The following NCAPD2 variants were observed in gnomAD, a reference collection of about 807,000 sequenced individuals.
NCAPD2 encodes the protein condensin complex subunit 1.
In NCAPD2, 100 loss-of-function variants were observed where a neutral mutation model predicts 164.5. That is an observed-to-expected ratio of 0.61 (90% confidence interval 0.52 to 0.72). The LOEUF is 0.72. NCAPD2 is among the 30% of genes least tolerant of loss of function. NCAPD2 has a pLI of 0.00. For synonymous variants in NCAPD2, 585 were observed against 642.6 expected (o/e 0.91, Z 1.36); for missense variants, 1,560 against 1,749.2 (o/e 0.89, Z 1.93).
chr12:6,509,089 T>A (rs1001968398), intron 2 of NCAPD2, among the ~76,000 whole-genome samples: 15 of 150,944 alleles, frequency 9.9e-5, no homozygotes, highest in African/African-American at 1.2e-4. Flanking sequence ...TTTTTTTTTT[T>A]AAAAGATCCT....
rs1309094201 is a variant in NCAPD2, at chr12:6,528,807, C to T, written c.3428C>T (p.Pro1143Leu). The T allele has an allele frequency of 6.2e-7, 1 of 1,614,108 alleles. No individual in the cohort carries two copies. Among genetic ancestry groups the T allele is most frequent in the South Asian group, 1.1e-5 (1 of 91,078 alleles). The change falls in exon 26 of 32, where the codon CCT (proline) becomes CTT (leucine). Residue 1143 changes from proline to leucine, a missense_variant. Transcript: ENST00000315579. The surrounding 1 kb of genome is among the most constrained non-coding windows in gnomAD (Gnocchi z 5.1). Reference sequence around the variant, plus strand: ...GCGGTGCTGCTCATCGACCCCGAGCCTCAGATTGCTGCCCTGGCCAAGAAC... The same window carrying T: ...GCGGTGCTGCTCATCGACCCCGAGCTTCAGATTGCTGCCCTGGCCAAGAAC... ...EMAVLLIDPE[P>L]QIAALAKNFF...
chr12:6,525,210 T>C (rs1946304877), intron 17 of NCAPD2, among the ~76,000 whole-genome samples: 2 of 152,154 alleles, frequency 1.3e-5, no homozygotes, highest in South Asian at 4.2e-4. Flanking sequence ...ACTGATAGAG[T>C]GTTGATACCA....
intron 14 of NCAPD2, 35 bp from the exon 15 acceptor site, chr12:6,521,763 G>A: frequency 1.2e-6 from 2 of 1,607,266 alleles, no homozygotes; most frequent in Non-Finnish European, 1.7e-6. Flanking sequence ...GTATCCCCTT[G>A]AACGAAACCA....
intron 29 of NCAPD2, among the ~76,000 whole-genome samples, 172 bp from the exon 30 acceptor site, chr12:6,530,519 A>T (rs1332435473): frequency 6.6e-6 from 1 of 152,220 alleles, no homozygotes; most frequent in Non-Finnish European, 1.5e-5. Context: ...TACTGTTGCC[A>T]TCACTTTGTC....
At chr12:6,504,228 T>TAG (rs1159424979) in intron 2 of NCAPD2, among the ~76,000 whole-genome samples, 14 of 55,874 alleles carry the variant, frequency 2.5e-4, no homozygotes, top group Non-Finnish European at 3.8e-4. Flanking sequence ...GATATAGATA[T>TAG]ATATATATAT....
At position 6,531,294 on chromosome 12, in the gene NCAPD2, A is replaced by C; in HGVS notation, c.4121-33A>C. 3 of 1,596,682 alleles carry C rather than the reference A, an allele frequency of 1.9e-6. No individual in the cohort carries two copies. The highest frequency in any genetic ancestry group is 2.6e-6 in the Non-Finnish European group (3 of 1,167,164). Reference sequence around the variant, plus strand: ...TATTTTTTCACCATCTTTGTGACTCAGCTTTTTCTTATTCCTTTAATTCTT... The same window carrying C: ...TATTTTTTCACCATCTTTGTGACTCCGCTTTTTCTTATTCCTTTAATTCTT... On this transcript the variant is annotated intron_variant, in intron 31 of 31. Transcript: ENST00000315579. This position sits in a 1 kb window ranked among gnomAD's most constrained non-coding sequence, Gnocchi z 4.1.
Position 6,530,950 on chromosome 12 carries a change from G to A in NCAPD2, c.3994G>A (p.Ala1332Thr). The change falls in exon 31 of 32, where the codon GCC becomes ACC. Residue 1332 changes from alanine (A) to threonine (T), a missense_variant. Coordinates refer to ENST00000315579, the MANE Select transcript of NCAPD2 (RefSeq NM_014865.4). ...GSRYQPLAST[A>T]SDNDFVTPEP... ...TAGGTACCAGCCTCTGGCTTCTACAGCCTCAGACAATGACTTTGTCACACC... is the reference window on the plus strand; with the variant it reads ...TAGGTACCAGCCTCTGGCTTCTACAACCTCAGACAATGACTTTGTCACACC... The A allele has an allele frequency of 6.2e-7, 1 of 1,614,156 alleles. No homozygotes were observed.
chr12:6,511,352 G>A (rs1041680117), intron 6 of NCAPD2, 100 bp downstream of exon 6: 17 of 1,380,926 alleles, frequency 1.2e-5, no homozygotes, highest in African/African-American at 2.9e-5. Context: ...TTTGTGGGGG[G>A]ACAGAGCTTC....
At chr12:6,507,539 C>T (rs544991548) in intron 2 of NCAPD2, among the ~76,000 whole-genome samples, 9 of 152,328 alleles carry the variant, frequency 5.9e-5, no homozygotes, top group African/African-American at 2.2e-4. Flanking sequence ...TACCCTTTTC[C>T]CATTTGCCGG....
intron 2 of NCAPD2, 98 bp from the exon 3 acceptor site, chr12:6,509,619 A>T: frequency 8.2e-6 from 9 of 1,095,268 alleles, no homozygotes; most frequent in Admixed American, 3.7e-5. Context: ...TTGTGATTCT[A>T]CCAATAAAAG....
intron 2 of NCAPD2, among the ~76,000 whole-genome samples, chr12:6,496,215 C>G (rs2137033614): frequency 1.3e-5 from 2 of 151,770 alleles, no homozygotes; most frequent in Admixed American, 1.3e-4. Flanking sequence ...CACGCCACTA[C>G]CACCTGGCTA....
At chr12:6,514,432 C>G (rs1182993192) in intron 7 of NCAPD2, 32 bp from the exon 8 acceptor site, 1 of 1,614,148 alleles carries the variant, frequency 6.2e-7, no homozygotes, top group Non-Finnish European at 8.5e-7. Flanking sequence ...TTTTGTATTG[C>G]CCATAATTTC....
In NCAPD2 at chr12:6,513,715, C is replaced by CTTTTTTTTTTTTTTTTTTTTTTTTTTTTT. The variant is rs71067124; in HGVS notation, c.588-532_588-531insTTTTTTTTTTTTTTTTTTTTTTTTTTTTT. On this transcript the variant is annotated intron_variant, in intron 6 of 31. Transcript: ENST00000315579. The stretch of plus-strand genomic sequence containing the variant: ...AATGAGAAGTCATTGGTGACTTTGT[C>CTTTTTTTTTTTTTTTTTTTTTTTTTTTTT]TTTTTTTTTTTTTTTTTTGTGATGG... Among the ~76,000 whole-genome samples, 19 of 74,882 alleles carry CTTTTTTTTTTTTTTTTTTTTTTTTTTTTT rather than the reference C, an allele frequency of 2.5e-4. 4 individuals are homozygous for CTTTTTTTTTTTTTTTTTTTTTTTTTTTTT. The highest frequency in any genetic ancestry group is 7.1e-4 in the African/African-American group (12 of 16,956). 49.1% of individuals were successfully genotyped at this position (74,882 alleles called of 152,430 possible).
chr12:6,515,766 C>T lies in NCAPD2; in HGVS notation c.987+846C>T, dbSNP rs550483120. On this transcript the variant is annotated intron_variant, in intron 9 of 31. Coordinates refer to ENST00000315579, the MANE Select transcript of NCAPD2 (RefSeq NM_014865.4). ...TTAGCCTGGCAAAACCTTAACCCTG[C>T]TCTCCACTAGATTATGTATTGGACT... is the stretch of plus-strand genomic sequence containing the variant. 2.0e-5 allele frequency among the ~76,000 whole-genome samples: 3 copies of T among 152,294 alleles called. No homozygotes were observed. In the East Asian group the frequency reaches 5.8e-4, roughly 29 times the overall value.
chr12:6,508,185 T>C (rs10744709), intron 2 of NCAPD2, among the ~76,000 whole-genome samples: 120,053 of 151,676 alleles, frequency 0.79, 48,278 homozygotes, highest in African/African-American at 0.95. Context: ...AGCCAGGCGT[T>C]GTGGCACGCA....
At position 6,531,311 on chromosome 12, in the gene NCAPD2, T is replaced by C; in HGVS notation, c.4121-16T>C. 6.2e-7 allele frequency: 1 copy of C among 1,609,700 alleles called. No homozygotes were observed. Among genetic ancestry groups the C allele is most frequent in the Non-Finnish European group, 8.5e-7 (1 of 1,178,032 alleles). On this transcript the variant is annotated splice_polypyrimidine_tract_variant and intron_variant, in intron 31 of 31. Coordinates refer to ENST00000315579, the MANE Select transcript of NCAPD2 (RefSeq NM_014865.4). The surrounding 1 kb of genome is among the most constrained non-coding windows in gnomAD (Gnocchi z 4.1). ...TGTGACTCAGCTTTTTCTTATTCCT[T>C]TAATTCTTTGCATAGATCTTTCAGC...
Position 6,516,905 on chromosome 12 carries a change from A to G in NCAPD2, c.1065A>G (p.Glu355=). 6.2e-7 allele frequency: 1 copy of G among 1,614,154 alleles called. No homozygotes were observed. Among genetic ancestry groups the G allele is most frequent in the Non-Finnish European group, 8.5e-7 (1 of 1,180,032 alleles). Residue 355 remains glutamate, a synonymous_variant, in exon 10 of 32, where the codon GAA becomes GAG. Transcript: ENST00000315579. ...VLQVLSGDQL[E]AAARDTRDQF... ...AGGTTCTCAGTGGCGATCAACTGGA[A>G]GCAGCAGCCCGAGACACCAGAGACC...
intron 9 of NCAPD2, 93 bp from the exon 10 acceptor site, chr12:6,516,735 A>G: frequency 8.4e-7 from 1 of 1,190,820 alleles, no homozygotes; most frequent in East Asian, 2.4e-5. Context: ...TTGGGAGTGA[A>G]TACCTAGGCA....
intron 6 of NCAPD2, among the ~76,000 whole-genome samples, chr12:6,512,445 T>G (rs965746190): frequency 6.6e-6 from 1 of 152,100 alleles, no homozygotes; most frequent in African/African-American, 2.4e-5. Context: ...GGAAAAGGAA[T>G]AGCATATGCA....
Sources: gnomAD v4.1 joint callset for allele counts (sites outside exome capture counted in the v4.1 genomes callset) on GRCh38, gnomAD v4.1.1 for gene constraint, Gnocchi (gnomAD v3.1) non-coding constraint, MANE v1.5 for transcripts, NCBI Gene and HGNC (gene_info 2026-07-23, HGNC 2026-07-21) for gene names.